ASIC2: variants seen among roughly 807,000 people sequenced by gnomAD.
ASIC2 encodes acid-sensing ion channel 2.
In ASIC2, 25 loss-of-function variants were observed where a neutral mutation model predicts 57.3. The observed-to-expected ratio is 0.44, with a 90% CI of 0.32 to 0.61. The LOEUF is 0.61. ASIC2 is among the 20% of genes least tolerant of loss of function. ASIC2 has a pLI of 0.06. For missense variants in ASIC2, 641 were observed against 738.1 expected, an observed-to-expected ratio of 0.87 and a Z score of 1.52; for synonymous variants, 319 against 307.5, an observed-to-expected ratio of 1.04 and a Z score of -0.39.
chr17:34,053,749 G>A (rs1908656757), intron 1 of ASIC2, among the ~76,000 whole-genome samples: 3 of 152,232 alleles, frequency 2.0e-5, no homozygotes, highest in Admixed American at 6.5e-5. Flanking sequence ...AACTCAGGAT[G>A]TCTGGCTTCA....
chr17:33,452,738 G>GGTGTGTGTGTGTGTGTGT lies in ASIC2; in HGVS notation c.556-340689_556-340672dup, dbSNP rs35126239. Among the ~76,000 whole-genome samples the GGTGTGTGTGTGTGTGTGT allele has an allele frequency of 8.1e-3, 1,131 of 140,466 alleles. 13 individuals are homozygous for GGTGTGTGTGTGTGTGTGT. Among genetic ancestry groups the GGTGTGTGTGTGTGTGTGT allele is most frequent in the East Asian group, 0.025 (118 of 4,740 alleles). The allele number at this position is 140,466 out of a possible 152,430, so 92.2% of individuals were successfully genotyped here. Reference sequence around the variant, plus strand: ...GTTTTCTTTGTTTGGAACAGAGTGGGGTGTGTGTGTGTGTGTGTGTGTGTG... The same window carrying GGTGTGTGTGTGTGTGTGT: ...GTTTTCTTTGTTTGGAACAGAGTGGGGTGTGTGTGTGTGTGTGTGTGTGTGTGTGTGTGTGTGTGTGTG... On this transcript the variant is annotated intron_variant, in intron 1 of 9. Coordinates refer to the ASIC2 transcript ENST00000359872.
chr17:33,317,040 G>A (rs1029985047), intron 1 of ASIC2, among the ~76,000 whole-genome samples: 1 of 152,190 alleles, frequency 6.6e-6, no homozygotes, highest in African/African-American at 2.4e-5. Flanking sequence ...GGAGAACAGC[G>A]CAGCAGTTGC....
At chr17:33,025,425 A>G (rs1434839105) in intron 5 of ASIC2, among the ~76,000 whole-genome samples, 3 of 152,072 alleles carry the variant, frequency 2.0e-5, no homozygotes, top group Non-Finnish European at 4.4e-5. Context: ...TGCAAACCTG[A>G]CTTTACCTCT....
intron 1 of ASIC2, among the ~76,000 whole-genome samples, chr17:33,275,141 G>A (rs1173687304): frequency 1.3e-5 from 2 of 152,086 alleles, no homozygotes; most frequent in Admixed American, 6.6e-5. Context: ...ATTATCCAAC[G>A]TATTAGCAAG....
In ASIC2 at chr17:33,250,389, G is replaced by A. The variant is rs530853608; in HGVS notation, c.708+41019C>T. 1.2e-4 allele frequency among the ~76,000 whole-genome samples: 18 copies of A among 152,308 alleles called. No individual in the cohort carries two copies. In the East Asian group the frequency reaches 3.3e-3, roughly 28 times the overall value. ...GGGCCATAGCCCAGCCCAGCACTTCGCTACCATCTTGTAAATGTGTGCCCA... is the reference window on the plus strand; with the variant it reads ...GGGCCATAGCCCAGCCCAGCACTTCACTACCATCTTGTAAATGTGTGCCCA... On this transcript the variant is annotated intron_variant, in intron 1 of 9. Coordinates refer to ENST00000225823, the MANE Select transcript of ASIC2 (RefSeq NM_183377.2).
intron 1 of ASIC2, among the ~76,000 whole-genome samples, chr17:33,807,445 CTT>C (rs1329327534): frequency 6.6e-6 from 1 of 152,212 alleles, no homozygotes; most frequent in East Asian, 1.9e-4. Flanking sequence ...TTGCCACTCT[CTT>C]GGAGCTCAGC....
chr17:33,660,909 T>C (rs1287958507), intron 1 of ASIC2, among the ~76,000 whole-genome samples: 1 of 152,192 alleles, frequency 6.6e-6, no homozygotes, highest in African/African-American at 2.4e-5. Context: ...AAGCCCACTT[T>C]CCATGCACCA....
At chr17:34,089,769 C>G (rs888616862) in intron 1 of ASIC2, among the ~76,000 whole-genome samples, 1 of 152,252 alleles carries the variant, frequency 6.6e-6, no homozygotes, top group East Asian at 1.9e-4. Context: ...AATCTGCTCT[C>G]CCCTTTCTCA....
intron 1 of ASIC2, among the ~76,000 whole-genome samples, chr17:33,873,532 A>G (rs904933558): frequency 6.6e-6 from 1 of 152,216 alleles, no homozygotes; most frequent in African/African-American, 2.4e-5. Context: ...TGAGGCCATC[A>G]CTTACTACTG....
chr17:33,865,550 A>G (rs1053006051), intron 1 of ASIC2, among the ~76,000 whole-genome samples: 1 of 152,118 alleles, frequency 6.6e-6, no homozygotes, highest in African/African-American at 2.4e-5. Context: ...TACTGTACAT[A>G]TTATTTCATA....
chr17:33,103,074 C>T (rs1401888157), intron 2 of ASIC2, among the ~76,000 whole-genome samples: 1 of 152,232 alleles, frequency 6.6e-6, no homozygotes, highest in Non-Finnish European at 1.5e-5. Context: ...TGAGCCACAG[C>T]ACCCGGCCAC....
intron 1 of ASIC2, among the ~76,000 whole-genome samples, chr17:33,159,812 C>A (rs1011072023): frequency 1.3e-5 from 2 of 152,142 alleles, no homozygotes; most frequent in African/African-American, 4.8e-5. Flanking sequence ...GCCTCAATTT[C>A]CCCAGCTATA....
intron 2 of ASIC2, among the ~76,000 whole-genome samples, chr17:33,089,625 A>G (rs2092149749): frequency 6.6e-6 from 1 of 152,220 alleles, no homozygotes; most frequent in African/African-American, 2.4e-5. Flanking sequence ...AATCTATAGA[A>G]TGAGATTATA....
intron 1 of ASIC2, among the ~76,000 whole-genome samples, chr17:33,559,596 G>C (rs1916010529): frequency 6.6e-6 from 1 of 152,140 alleles, no homozygotes; most frequent in African/African-American, 2.4e-5. Context: ...CATAGTGCCA[G>C]TGTCTCCATT....
At chr17:33,206,573 C>T (rs183257922) in intron 1 of ASIC2, among the ~76,000 whole-genome samples, 39 of 152,232 alleles carry the variant, frequency 2.6e-4, no homozygotes, top group Admixed American at 2.4e-3. Context: ...GGTGGTGTCC[C>T]GTGACTCTGC....
chr17:34,046,245 T>C (rs1908331802), intron 1 of ASIC2, among the ~76,000 whole-genome samples: 1 of 152,124 alleles, frequency 6.6e-6, no homozygotes. Context: ...AAATAAATAG[T>C]TGTTATGTTG....
At chr17:33,314,523 C>A (rs1906562989) in intron 1 of ASIC2, among the ~76,000 whole-genome samples, 1 of 152,142 alleles carries the variant, frequency 6.6e-6, no homozygotes, top group Non-Finnish European at 1.5e-5. Flanking sequence ...TACTTCAGTT[C>A]TGAAATGTTC....
At chr17:34,094,869 C>T (rs989401073) in intron 1 of ASIC2, among the ~76,000 whole-genome samples, 3 of 152,172 alleles carry the variant, frequency 2.0e-5, no homozygotes, top group Non-Finnish European at 4.4e-5. Context: ...CCATAAAGTC[C>T]CTCCTTTTGA....
At chr17:33,958,352 C>T (rs1332338969) in intron 1 of ASIC2, among the ~76,000 whole-genome samples, 1 of 152,208 alleles carries the variant, frequency 6.6e-6, no homozygotes, top group Non-Finnish European at 1.5e-5. Flanking sequence ...CTCACACTTC[C>T]CTTCTGCACT....
Sources: allele counts gnomAD v4.1 joint callset (sites outside exome capture counted in the v4.1 genomes callset), GRCh38; gene constraint gnomAD v4.1.1; transcripts MANE v1.5; gene names NCBI Gene and HGNC (gene_info 2026-07-23, HGNC 2026-07-21).